The following SRD5A1 variants were observed in gnomAD, a reference collection of about 807,000 sequenced individuals.
SRD5A1 encodes steroid 5 alpha-reductase 1.
In SRD5A1, 22 loss-of-function variants were observed where a neutral mutation model predicts 28.2. The observed-to-expected ratio is 0.78, with a 90% CI of 0.56 to 1.12. SRD5A1 has a LOEUF of 1.12. Ranked by LOEUF, SRD5A1 falls within the 50% of genes most tolerant of loss-of-function variation. SRD5A1 has a pLI of 0.00. For missense variants in SRD5A1, 300 were observed against 346.7 expected (o/e 0.87, Z 1.07); for synonymous variants, 151 against 135.0 (o/e 1.12, Z -0.82).
chr5:6,644,975 C>G, intron 1 of SRD5A1: 1 of 455,946 alleles, frequency 2.2e-6, no homozygotes, highest in Non-Finnish European at 4.4e-6. Flanking sequence ...CAGGAGAATA[C>G]CCACCTCACT....
chr5:6,644,426 C>G (rs1738448078), intron 1 of SRD5A1, among the ~76,000 whole-genome samples: 1 of 152,196 alleles, frequency 6.6e-6, no homozygotes, highest in African/African-American at 2.4e-5. Context: ...TTTCTCACCT[C>G]TATCCTGCAG....
At chr5:6,666,094 A>G (rs1323929928) in intron 4 of SRD5A1, among the ~76,000 whole-genome samples, 1 of 152,252 alleles carries the variant, frequency 6.6e-6, no homozygotes, top group Non-Finnish European at 1.5e-5. Flanking sequence ...AAGCCATCAA[A>G]TAAAAGTATT....
At chr5:6,643,946 T>C (rs1418163004) in intron 1 of SRD5A1, among the ~76,000 whole-genome samples, 1 of 152,226 alleles carries the variant, frequency 6.6e-6, no homozygotes, top group Non-Finnish European at 1.5e-5. Flanking sequence ...ATTATATTCT[T>C]TTGACACAGT....
chr5:6,668,365 A>C lies in SRD5A1; in HGVS notation c.*97A>C, dbSNP rs1739254512. 1 of 772,514 alleles carries C rather than the reference A, an allele frequency of 1.3e-6. No individual in the cohort carries two copies. The highest frequency in any genetic ancestry group is 2.0e-6 in the Non-Finnish European group (1 of 498,448). The allele number at this position is 772,514 out of a possible 1,614,324, so 47.9% of individuals were successfully genotyped here. The stretch of plus-strand genomic sequence containing the variant: ...GTTATATCTTTGTAATTTTCCTGCT[A>C]CTTTATCATTTTCAAGATGTCCTCT... On this transcript the variant is annotated 3_prime_UTR_variant, in exon 5 of 5. Coordinates refer to ENST00000274192, the MANE Select transcript of SRD5A1 (RefSeq NM_001047.4).
intron 3 of SRD5A1, among the ~76,000 whole-genome samples, chr5:6,657,614 G>A (rs1738873420): frequency 6.6e-6 from 1 of 152,226 alleles, no homozygotes; most frequent in Non-Finnish European, 1.5e-5. Flanking sequence ...TCCTGGGGAA[G>A]GCAGAATGAA....
chr5:6,648,372 T>A (rs994938037), intron 1 of SRD5A1, among the ~76,000 whole-genome samples: 1 of 152,218 alleles, frequency 6.6e-6, no homozygotes, highest in African/African-American at 2.4e-5. Context: ...CTGAAGAGTG[T>A]TTTCCAACTT....
chr5:6,645,223 C>T, intron 1 of SRD5A1: 1 of 318,304 alleles, frequency 3.1e-6, no homozygotes, highest in Non-Finnish European at 6.2e-6. Flanking sequence ...ATAACCATAA[C>T]TAATGACTAA....
At chr5:6,637,257 C>T (rs1738212468) in intron 1 of SRD5A1, among the ~76,000 whole-genome samples, 1 of 152,156 alleles carries the variant, frequency 6.6e-6, no homozygotes, top group South Asian at 2.1e-4. Context: ...CCTTTGCCCT[C>T]TGCTCTGTGA....
intron 1 of SRD5A1, among the ~76,000 whole-genome samples, chr5:6,636,860 C>G (rs8192139): frequency 0.4 from 60,200 of 151,862 alleles, 12,190 homozygotes; most frequent in Middle Eastern, 0.5. Flanking sequence ...TATGGAGAAT[C>G]TATGGGGTCT....
At chr5:6,665,070 C>T (rs750365105) in intron 4 of SRD5A1, among the ~76,000 whole-genome samples, 1 of 152,172 alleles carries the variant, frequency 6.6e-6, no homozygotes, top group Non-Finnish European at 1.5e-5. Flanking sequence ...TACTGGAGAA[C>T]GTTATCAGTT....
Position 6,633,695 on chromosome 5 carries a change from G to A in SRD5A1, c.119G>A (p.Arg40His). Residue 40 changes from arginine to histidine, a missense_variant, in exon 1 of 5, where the codon CGC becomes CAC. Around this residue, in one of 2 missense-constraint regions of SRD5A1, gnomAD observed 174 missense variants for 160.9 expected, o/e 1.08. Transcript: ENST00000274192. Reference protein sequence around the residue: ...RNRQTNSVYGRHALPSHRLRV... With the variant: ...RNRQTNSVYGHHALPSHRLRV... ...CGTCAGACGAACTCAGTGTACGGCC[G>A]CCACGCGCTGCCCAGCCACAGGCTC... 6.3e-7 allele frequency: 1 copy of A among 1,588,238 alleles called. No individual in the cohort carries two copies. The highest frequency in any genetic ancestry group is 2.3e-5 in the East Asian group (1 of 44,298).
intron 1 of SRD5A1, among the ~76,000 whole-genome samples, chr5:6,650,224 A>ATAGAGAGAC (rs1738629927): frequency 1.3e-5 from 2 of 152,116 alleles, no homozygotes; most frequent in African/African-American, 4.8e-5. Flanking sequence ...GAGATCAGAC[A>ATAGAGAGAC]TAGAGAGACC....
chr5:6,644,648 G>A (rs935925231), intron 1 of SRD5A1, among the ~76,000 whole-genome samples: 1 of 152,036 alleles, frequency 6.6e-6, no homozygotes, highest in East Asian at 1.9e-4. Context: ...CTGTCCATCC[G>A]GGTCTAACAC....
chr5:6,640,613 T>G (rs1738331363), intron 1 of SRD5A1, among the ~76,000 whole-genome samples: 1 of 151,958 alleles, frequency 6.6e-6, no homozygotes, highest in South Asian at 2.1e-4. Flanking sequence ...ACAGTCCTCC[T>G]TCCTTGGCCT....
In SRD5A1 at chr5:6,635,470, T is replaced by G. The variant is rs191954872; in HGVS notation, c.293+1601T>G. ...GTCAGAGTATTCGGTGCTATCCTAG[T>G]CCCATCAGTCATGACCCTGGATGAG... On this transcript the variant is annotated intron_variant, in intron 1 of 4. Coordinates refer to ENST00000274192, the MANE Select transcript of SRD5A1 (RefSeq NM_001047.4). Among the ~76,000 whole-genome samples the G allele has an allele frequency of 4.5e-4, 69 of 152,318 alleles. No individual in the cohort carries two copies. In the South Asian group the frequency reaches 6.4e-3, roughly 14 times the overall value.
At chr5:6,640,975 A>G (rs139670975) in intron 1 of SRD5A1, among the ~76,000 whole-genome samples, 3 of 152,254 alleles carry the variant, frequency 2.0e-5, no homozygotes, top group Admixed American at 1.3e-4. Context: ...GTTGTTTCCC[A>G]TTGTTCCTCT....
intron 1 of SRD5A1, 132 bp from the exon 2 acceptor site, chr5:6,651,710 T>G: frequency 1.2e-6 from 1 of 827,994 alleles, no homozygotes; most frequent in East Asian, 2.7e-5. Flanking sequence ...TATAATAAAT[T>G]AGTATAAATG....
chr5:6,642,402 C>T (rs2126529136), intron 1 of SRD5A1, among the ~76,000 whole-genome samples: 1 of 152,270 alleles, frequency 6.6e-6, no homozygotes, highest in East Asian at 1.9e-4. Flanking sequence ...TTCATATCTT[C>T]CTATGGAAGA....
At chr5:6,654,177 C>G (rs770267972) in intron 2 of SRD5A1, among the ~76,000 whole-genome samples, 1 of 151,894 alleles carries the variant, frequency 6.6e-6, no homozygotes, top group Non-Finnish European at 1.5e-5. Context: ...CTCAGCCTCC[C>G]GAGTAGCTGG....
Sources: allele counts gnomAD v4.1 joint callset (sites outside exome capture counted in the v4.1 genomes callset), GRCh38; gene constraint gnomAD v4.1.1; regional missense constraint gnomAD v4.1.1; transcripts MANE v1.5; gene names NCBI Gene and HGNC (gene_info 2026-07-23, HGNC 2026-07-21).